TMEM117: variants seen among roughly 807,000 people sequenced by gnomAD.
TMEM117 encodes the protein transmembrane protein 117.
Under a neutral mutation model 52.4 loss-of-function variants are expected in TMEM117, and 27 were observed. The ratio of observed to expected loss-of-function variants is 0.51; its 90% CI spans 0.38 to 0.71. The LOEUF is 0.71. Ranked by LOEUF, TMEM117 falls within the 30% of genes least tolerant of loss-of-function variation. The pLI, the probability that TMEM117 is intolerant of heterozygous loss-of-function variation, is 0.00. For synonymous variants in TMEM117, 215 were observed against 206.3 expected (o/e 1.04, Z -0.36); for missense variants, 556 against 630.5 (o/e 0.88, Z 1.26).
At chr12:43,917,169 G>A (rs1944618206) in intron 2 of TMEM117, among the ~76,000 whole-genome samples, 2 of 150,392 alleles carry the variant, frequency 1.3e-5, no homozygotes, top group Admixed American at 1.3e-4. Flanking sequence ...ATGGTGGGAA[G>A]ATTGCTTGAG....
chr12:44,000,985 G>T (rs1209674623), intron 3 of TMEM117, among the ~76,000 whole-genome samples: 1 of 152,158 alleles, frequency 6.6e-6, no homozygotes, highest in Non-Finnish European at 1.5e-5. Context: ...GGTGACTGAT[G>T]TGCAAGGGCC....
chr12:43,819,976 A>T, the TMEM117 span, among the ~76,000 whole-genome samples: 1 of 152,226 alleles, frequency 6.6e-6, no homozygotes. Flanking sequence ...ACATAAAGGC[A>T]GTTGAATAAA....
chr12:43,841,381 C>T (rs1182048214), intron 1 of TMEM117, among the ~76,000 whole-genome samples: 1 of 152,164 alleles, frequency 6.6e-6, no homozygotes, highest in Admixed American at 6.5e-5. Context: ...CTGCTCTGAG[C>T]CTTTGTTTTC....
intron 3 of TMEM117, among the ~76,000 whole-genome samples, chr12:44,114,165 C>G (rs543924165): frequency 4.6e-5 from 7 of 152,088 alleles, no homozygotes; most frequent in Admixed American, 3.3e-4. Flanking sequence ...AATCACCCGT[C>G]TTCTGCGTCG....
chr12:44,127,606 G>C (rs994331498), intron 3 of TMEM117, among the ~76,000 whole-genome samples: 11 of 151,930 alleles, frequency 7.2e-5, no homozygotes, highest in Non-Finnish European at 1.5e-4. Flanking sequence ...AACATGGGAG[G>C]CTGAGGTTGT....
At chr12:44,258,914 G>T (rs115194646) in intron 5 of TMEM117, among the ~76,000 whole-genome samples, 142 of 152,204 alleles carry the variant, frequency 9.3e-4, no homozygotes, top group African/African-American at 3.2e-3. Context: ...ATTGAGATGT[G>T]CTGTAAGCAT....
At chr12:44,162,996 G>A (rs1948918072) in intron 4 of TMEM117, among the ~76,000 whole-genome samples, 1 of 152,144 alleles carries the variant, frequency 6.6e-6, no homozygotes, top group African/African-American at 2.4e-5. Context: ...GGAAGATCAG[G>A]CCTTCTGGTC....
chr12:43,860,520 G>A (rs1183451317), intron 2 of TMEM117, among the ~76,000 whole-genome samples: 1 of 152,096 alleles, frequency 6.6e-6, no homozygotes, highest in Non-Finnish European at 1.5e-5. Context: ...GAGAGTTCCC[G>A]GAATTCCCTC....
chr12:44,183,557 C>T (rs567108393), intron 4 of TMEM117, among the ~76,000 whole-genome samples: 139 of 152,116 alleles, frequency 9.1e-4, no homozygotes, highest in African/African-American at 3.2e-3. Flanking sequence ...GTGCTGTGGC[C>T]TTCATTAAGG....
intron 5 of TMEM117, among the ~76,000 whole-genome samples, chr12:44,236,720 G>T (rs1351329867): frequency 6.6e-6 from 1 of 152,024 alleles, no homozygotes; most frequent in African/African-American, 2.4e-5. Flanking sequence ...GGTAATTTCA[G>T]GCATAAGAGG....
At chr12:43,923,616 A>G (rs944223940) in intron 2 of TMEM117, among the ~76,000 whole-genome samples, 1 of 152,206 alleles carries the variant, frequency 6.6e-6, no homozygotes, top group African/African-American at 2.4e-5. Context: ...AAATGATATT[A>G]TATTTGGAAA....
intron 2 of TMEM117, among the ~76,000 whole-genome samples, chr12:43,885,364 C>T (rs1943972662): frequency 6.6e-6 from 1 of 150,948 alleles, no homozygotes; most frequent in African/African-American, 2.4e-5. Context: ...CTGACTTGTT[C>T]TCTTGCTTTC....
intron 6 of TMEM117, among the ~76,000 whole-genome samples, chr12:44,313,587 T>C (rs1951017981): frequency 6.6e-6 from 1 of 152,210 alleles, no homozygotes; most frequent in Non-Finnish European, 1.5e-5. Context: ...CTTTGGCTAT[T>C]CAGGCTCTCT....
At chr12:44,342,136 G>T (rs1173692409) in intron 6 of TMEM117, among the ~76,000 whole-genome samples, 4 of 152,100 alleles carry the variant, frequency 2.6e-5, no homozygotes, top group Admixed American at 2.6e-4. Context: ...AGCTTCTCAG[G>T]AACAATTCCA....
At chr12:44,396,552 A>G in the TMEM117 span, among the ~76,000 whole-genome samples, 1 of 152,130 alleles carries the variant, frequency 6.6e-6, no homozygotes, top group African/African-American at 2.4e-5. Context: ...GAAATAATGT[A>G]CTTAGAATTG....
At chr12:43,996,603 A>G (rs1307378564) in intron 3 of TMEM117, among the ~76,000 whole-genome samples, 1 of 151,872 alleles carries the variant, frequency 6.6e-6, no homozygotes, top group Non-Finnish European at 1.5e-5. Context: ...AGATCACGCC[A>G]CTGCACTCCA....
intron 3 of TMEM117, among the ~76,000 whole-genome samples, chr12:44,137,843 G>A (rs1222362936): frequency 2.0e-5 from 3 of 152,132 alleles, no homozygotes; most frequent in South Asian, 4.1e-4. Context: ...TGAGATTTGG[G>A]TAGGGACACA....
At chr12:43,813,231 G>GCTTTTTTTTTTTTTTTTTTT in the TMEM117 span, among the ~76,000 whole-genome samples, 29 of 62,662 alleles carry the variant, frequency 4.6e-4, no homozygotes, top group African/African-American at 1.7e-3. Context: ...GTTTTCTCTT[G>GCTTTTTTTTTTTTTTTTTTT]TTTTTTTTTT....
chr12:43,889,055 C>T (rs1315870872), intron 2 of TMEM117, among the ~76,000 whole-genome samples: 1 of 150,560 alleles, frequency 6.6e-6, no homozygotes, highest in Non-Finnish European at 1.5e-5. Flanking sequence ...CAGGATGAAA[C>T]TTGCACTTTA....
Sources: allele counts gnomAD v4.1 joint callset (sites outside exome capture counted in the v4.1 genomes callset), GRCh38; gene constraint gnomAD v4.1.1; transcripts MANE v1.5; gene names NCBI Gene and HGNC (gene_info 2026-07-23, HGNC 2026-07-21).